Variants in FBXL2 observed in about 807,000 individuals in gnomAD.
The protein encoded by FBXL2 is F-box and leucine rich repeat protein 2.
Under a neutral mutation model 69.2 loss-of-function variants are expected in FBXL2, and 38 were observed. That is an observed-to-expected ratio of 0.55 (90% CI 0.42 to 0.72). FBXL2 has a LOEUF of 0.72. Ranked by LOEUF, FBXL2 falls within the 30% of genes least tolerant of loss-of-function variation. The pLI is 0.00. For missense variants in FBXL2, 354 were observed against 520.3 expected, an observed-to-expected ratio of 0.68 and a Z score of 3.11; for synonymous variants, 192 against 201.3, an observed-to-expected ratio of 0.95 and a Z score of 0.39.
chr3:33,364,955 C>T (rs2041858672), intron 5 of FBXL2, among the ~76,000 whole-genome samples: 1 of 152,148 alleles, frequency 6.6e-6, no homozygotes, highest in African/African-American at 2.4e-5. Flanking sequence ...TGTCAGTTCT[C>T]TCTTCTGCAA....
At chr3:33,334,962 A>G (rs1451965204) in intron 2 of FBXL2, among the ~76,000 whole-genome samples, 1 of 152,014 alleles carries the variant, frequency 6.6e-6, no homozygotes, top group African/African-American at 2.4e-5. Context: ...TATGTCGGGC[A>G]TGGTGGTGCA....
the FBXL2 span, among the ~76,000 whole-genome samples, chr3:33,412,008 G>A: frequency 3.3e-5 from 5 of 152,100 alleles, no homozygotes; most frequent in East Asian, 9.7e-4. Context: ...CGAACATGGT[G>A]AAACCCCGTC....
intron 12 of FBXL2, chr3:33,400,122 G>C (rs2044165467): frequency 9.2e-7 from 1 of 1,089,652 alleles, no homozygotes; most frequent in African/African-American, 1.7e-5. Flanking sequence ...AAAATATAAA[G>C]TTAATAAAAG....
In FBXL2 at chr3:33,335,215, G is replaced by GA. The variant is rs773423809; in HGVS notation, c.66-23742dup. On this transcript the variant is annotated intron_variant, in intron 2 of 14. Transcript: ENST00000484457. Reference sequence around the variant, plus strand: ...TTCTAAAAATAAAAGCTTTTTAGGTGAAAAAAAAAACTGAGAGGATTCATC... The same window carrying GA: ...TTCTAAAAATAAAAGCTTTTTAGGTGAAAAAAAAAAACTGAGAGGATTCATC... Among the ~76,000 whole-genome samples, 543 of 145,984 alleles carry GA rather than the reference G, an allele frequency of 3.7e-3. 6 individuals are homozygous for GA. Among genetic ancestry groups the GA allele is most frequent in the Non-Finnish European group, 2.2e-3 (146 of 66,118 alleles).
chr3:33,401,333 A>G (rs1336171202), intron 12 of FBXL2, among the ~76,000 whole-genome samples: 1 of 152,248 alleles, frequency 6.6e-6, no homozygotes, highest in East Asian at 1.9e-4. Flanking sequence ...ATACACATTA[A>G]TTTTTAAAAG....
chr3:33,414,272 AAAAG>A, the FBXL2 span: 3 of 152,264 alleles, frequency 2.0e-5, no homozygotes, highest in South Asian at 2.1e-4. Context: ...AAGGGAAAGA[AAAAG>A]AAAGAGAGGG....
chr3:33,402,059 C>T (rs971218863), intron 12 of FBXL2, among the ~76,000 whole-genome samples: 1 of 152,164 alleles, frequency 6.6e-6, no homozygotes, highest in Non-Finnish European at 1.5e-5. Flanking sequence ...TCAGCATGAC[C>T]GGAGAACCTT....
intron 12 of FBXL2, chr3:33,397,970 T>C (rs960608255): frequency 6.6e-6 from 1 of 152,216 alleles, no homozygotes; most frequent in East Asian, 1.9e-4. Flanking sequence ...ATAAATGATA[T>C]GGCATCTAGG....
At chr3:33,282,037 G>A (rs934214481) in intron 1 of FBXL2, among the ~76,000 whole-genome samples, 10 of 152,186 alleles carry the variant, frequency 6.6e-5, no homozygotes, top group Non-Finnish European at 1.0e-4. Context: ...CTGTGCAGAA[G>A]CTCTTTAGTT....
Position 33,383,979 on chromosome 3 carries a change from C to G in FBXL2, c.952-10C>G. Reference sequence around the variant, plus strand: ...TCCTGCAAACATTTACTCATGTCTTCCTGTTCCAGAGCCTGTCCCACTGTG... The same window carrying G: ...TCCTGCAAACATTTACTCATGTCTTGCTGTTCCAGAGCCTGTCCCACTGTG... On this transcript the variant is annotated splice_polypyrimidine_tract_variant and intron_variant, in intron 13 of 14. Transcript: ENST00000484457. The G allele has an allele frequency of 6.2e-7, 1 of 1,613,222 alleles. No homozygotes were observed. The highest frequency in any genetic ancestry group is 8.5e-7 in the Non-Finnish European group (1 of 1,179,256).
At chr3:33,338,361 A>G (rs2039749335) in intron 2 of FBXL2, among the ~76,000 whole-genome samples, 2 of 152,128 alleles carry the variant, frequency 1.3e-5, no homozygotes, top group Non-Finnish European at 2.9e-5. Context: ...GCAGTGAGCC[A>G]AGATCACGCC....
chr3:33,418,245 A>G, the FBXL2 span, among the ~76,000 whole-genome samples: 3 of 152,130 alleles, frequency 2.0e-5, no homozygotes, highest in Non-Finnish European at 4.4e-5. Flanking sequence ...AATAAGAAAC[A>G]TTAATTTTTA....
intron 12 of FBXL2, chr3:33,400,329 T>C (rs377033790): frequency 2.6e-5 from 38 of 1,444,354 alleles, no homozygotes; most frequent in South Asian, 6.5e-5. Flanking sequence ...CATTCAGACT[T>C]AGAACATTTA....
At chr3:33,393,397 G>A (rs751356159) in intron 12 of FBXL2, 3 of 1,612,850 alleles carry the variant, frequency 1.9e-6, no homozygotes, top group Admixed American at 1.7e-5. Context: ...AAACACCAGC[G>A]CAAGTTTTCG....
intron 1 of FBXL2, among the ~76,000 whole-genome samples, chr3:33,280,151 T>G (rs2033815950): frequency 6.6e-6 from 1 of 152,190 alleles, no homozygotes; most frequent in African/African-American, 2.4e-5. Flanking sequence ...CTTCTTTCCT[T>G]CTTTCACAAA....
At chr3:33,362,200 T>C (rs1425789499) in intron 4 of FBXL2, among the ~76,000 whole-genome samples, 2 of 152,200 alleles carry the variant, frequency 1.3e-5, no homozygotes, top group Non-Finnish European at 2.9e-5. Context: ...CTTTCCTGAA[T>C]ACGTGTAGTT....
chr3:33,284,950 T>G (rs1199025778), intron 1 of FBXL2, among the ~76,000 whole-genome samples: 1 of 152,152 alleles, frequency 6.6e-6, no homozygotes, highest in African/African-American at 2.4e-5. Flanking sequence ...CTGCATGTGA[T>G]ATGGGTCTCC....
chr3:33,286,243 T>C (rs1424607043), intron 1 of FBXL2, among the ~76,000 whole-genome samples: 1 of 152,200 alleles, frequency 6.6e-6, no homozygotes, highest in Non-Finnish European at 1.5e-5. Flanking sequence ...TGTTTGTTAG[T>C]TTTCCTTCTA....
At chr3:33,366,641 G>A (rs1275232868) in intron 5 of FBXL2, among the ~76,000 whole-genome samples, 1 of 152,112 alleles carries the variant, frequency 6.6e-6, no homozygotes, top group Non-Finnish European at 1.5e-5. Context: ...TCAAAGCTGG[G>A]TGACAGAGTG....
Sources: gnomAD v4.1 joint callset for allele counts (sites outside exome capture counted in the v4.1 genomes callset) on GRCh38, gnomAD v4.1.1 for gene constraint, MANE v1.5 for transcripts, NCBI Gene and HGNC (gene_info 2026-07-23, HGNC 2026-07-21) for gene names.